The following DMD variants were observed in gnomAD, a reference collection of about 807,000 sequenced individuals.
The protein encoded by DMD is dystrophin, also known as mutant dystrophin.
Under a neutral mutation model 330.1 loss-of-function variants are expected in DMD, and 63 were observed. The observed-to-expected ratio is 0.19, with a 90% CI of 0.16 to 0.24. The LOEUF is 0.24. DMD is among the 10% of genes least tolerant of loss of function. The pLI is 1.00. For synonymous variants in DMD, 1,223 were observed against 959.8 expected, an observed-to-expected ratio of 1.27 and a Z score of -5.07; for missense variants, 3,344 against 2,684.1, an observed-to-expected ratio of 1.25 and a Z score of -5.43.
At chrX:32,363,501 G>A (rs2097844461) in intron 36 of DMD, among the ~76,000 whole-genome samples, 1 of 111,848 alleles carries the variant, frequency 8.9e-6, no homozygotes, top group African/African-American at 3.3e-5. Context: ...GAGGTACTGA[G>A]GAATGTTCTT....
intron 7 of DMD, among the ~76,000 whole-genome samples, chrX:32,727,433 GACTAGACCACCTTCTAAATTCATTT>G (rs1256222771): frequency 1.8e-5 from 2 of 111,006 alleles, no homozygotes; most frequent in Non-Finnish European, 3.8e-5. Flanking sequence ...TCAAGCAACT[GACTAGACCACCTTCTAAATTCATTT>G]ACTAGAGTCC....
At chrX:33,311,906 A>G (rs1283785780) in intron 1 of DMD, among the ~76,000 whole-genome samples, 5 of 111,355 alleles carry the variant, frequency 4.5e-5, no homozygotes, top group Non-Finnish European at 9.4e-5. Flanking sequence ...TGGGCAAGAA[A>G]AAGAATTTTC....
intron 1 of DMD, among the ~76,000 whole-genome samples, chrX:33,333,256 G>C (rs2054205418): frequency 9.0e-6 from 1 of 111,243 alleles, no homozygotes; most frequent in Admixed American, 9.6e-5. Flanking sequence ...TTGTATGTTG[G>C]TTCTTATTTC....
intron 63 of DMD, among the ~76,000 whole-genome samples, chrX:31,236,912 T>C (rs1185212911): frequency 8.9e-6 from 1 of 111,985 alleles, no homozygotes; most frequent in East Asian, 2.8e-4. Flanking sequence ...TTCTCTACCC[T>C]TTATCTAACA....
At chrX:31,295,346 T>C (rs938665882) in intron 62 of DMD, among the ~76,000 whole-genome samples, 3 of 111,189 alleles carry the variant, frequency 2.7e-5, no homozygotes, top group Non-Finnish European at 3.8e-5. Context: ...CATTTTTTTT[T>C]CATATAACAG....
chrX:32,998,245 C>CT (rs1165885763), intron 2 of DMD, among the ~76,000 whole-genome samples: 1 of 107,457 alleles, frequency 9.3e-6, no homozygotes, highest in Non-Finnish European at 1.9e-5. Flanking sequence ...TGGTGCATGC[C>CT]TGTAGCTAAG....
intron 44 of DMD, among the ~76,000 whole-genome samples, chrX:32,174,836 A>C (rs1446621089): frequency 1.8e-5 from 2 of 111,501 alleles, no homozygotes; most frequent in Non-Finnish European, 1.9e-5. Context: ...GCTTGGTTAC[A>C]TGAATAACTT....
At chrX:32,777,277 T>TGGGGGTGGGGGGGGGTTGGGG (rs1557019832) in intron 7 of DMD, among the ~76,000 whole-genome samples, 1 of 2,113 alleles carries the variant, frequency 4.7e-4, no homozygotes, top group Non-Finnish European at 7.0e-4. Context: ...GGTTTCTGGT[T>TGGGGGTGGGGGGGGGTTGGGG]GGGGGGGGAA....
rs1422020144 is a variant in DMD, at chrX:31,929,756, C to A, written c.6763-11G>T. Reference sequence around the variant, plus strand: ...CTCTTCCACCAGTAACTGAAACAGACAAATGCAACAACGTTTAAAATGAAT... The same window carrying A: ...CTCTTCCACCAGTAACTGAAACAGAAAAATGCAACAACGTTTAAAATGAAT... On this transcript the variant is annotated splice_polypyrimidine_tract_variant and intron_variant, in intron 46 of 78. Coordinates refer to ENST00000357033, the MANE Select transcript of DMD (RefSeq NM_004006.3). The A allele has an allele frequency of 2.5e-6, 3 of 1,207,349 alleles. No homozygotes were observed. Among genetic ancestry groups the A allele is most frequent in the Non-Finnish European group, 3.4e-6 (3 of 893,842 alleles).
intron 45 of DMD, among the ~76,000 whole-genome samples, chrX:31,964,885 T>C (rs2095338420): frequency 9.0e-6 from 1 of 111,423 alleles, no homozygotes. Context: ...TAATGCATAT[T>C]AGTAGAATAA....
chrX:31,164,346 A>G (rs1412404255), intron 74 of DMD, among the ~76,000 whole-genome samples: 1 of 110,782 alleles, frequency 9.0e-6, no homozygotes, highest in African/African-American at 3.3e-5. Flanking sequence ...CCTCAACTCG[A>G]CCTCTTCCAT....
chrX:32,360,656 G>A (rs1215324956), intron 37 of DMD, among the ~76,000 whole-genome samples: 2 of 108,297 alleles, frequency 1.8e-5, no homozygotes, highest in Admixed American at 1.0e-4. Flanking sequence ...GTGTCACGGC[G>A]CCCGCCCGTA....
intron 44 of DMD, among the ~76,000 whole-genome samples, chrX:32,054,806 C>G (rs2096153183): frequency 1.1e-5 from 1 of 88,487 alleles, no homozygotes; most frequent in Non-Finnish European, 2.1e-5. Context: ...TACCTTAACT[C>G]TTTCTCTAAT....
At chrX:32,394,927 A>AAACAAAAC (rs1557326888) in intron 30 of DMD, among the ~76,000 whole-genome samples, 1 of 90,774 alleles carries the variant, frequency 1.1e-5, no homozygotes, top group African/African-American at 3.8e-5. Flanking sequence ...AAAAAAAAAA[A>AAACAAAAC]AAAAAAGAAA....
Position 31,874,521 on chromosome X carries a change from C to T in DMD, c.7098+667G>A, listed in dbSNP as rs150097518. ...ATGAATCACAGTAACAAATATGATG[C>T]AGGCATTCTAGTAACATAAGTTTAA... is the stretch of plus-strand genomic sequence containing the variant. On this transcript the variant is annotated intron_variant, in intron 48 of 78. Coordinates refer to ENST00000357033, the MANE Select transcript of DMD (RefSeq NM_004006.3). Among the ~76,000 whole-genome samples, 4 of 111,474 alleles carry T rather than the reference C, an allele frequency of 3.6e-5. No homozygotes were observed. In the East Asian group the frequency reaches 1.1e-3, roughly 31 times the overall value.
In DMD at chrX:33,134,145, A is replaced by G. The variant is rs113369437; in HGVS notation, c.31+77137T>C. 1.5e-3 allele frequency among the ~76,000 whole-genome samples: 173 copies of G among 111,666 alleles called. 1 individual carries two copies. The highest frequency in any genetic ancestry group is 2.6e-3 in the Non-Finnish European group (138 of 53,150). ...ATGAACATCTGGAAGAACTTGAGCC[A>G]ACTTGGGAGCTATTATTTTACCCAG... On this transcript the variant is annotated intron_variant, in intron 1 of 78. Coordinates refer to ENST00000357033, the MANE Select transcript of DMD (RefSeq NM_004006.3).
In DMD at chrX:32,350,995, T is replaced by A. The variant is rs192129766; in HGVS notation, c.5326-2467A>T. 7.9e-3 allele frequency among the ~76,000 whole-genome samples: 875 copies of A among 111,012 alleles called. 10 individuals carry two copies. The highest frequency in any genetic ancestry group is 0.027 in the African/African-American group (829 of 30,676). Reference sequence around the variant, plus strand: ...TCTACCATTTACTAGCTGAGGGAACTTAGACAAGTTATTTATCCTCATTGA... The same window carrying A: ...TCTACCATTTACTAGCTGAGGGAACATAGACAAGTTATTTATCCTCATTGA... On this transcript the variant is annotated intron_variant, in intron 37 of 78. Transcript: ENST00000357033.
At chrX:32,585,696 T>C (rs1455597024) in intron 13 of DMD, among the ~76,000 whole-genome samples, 1 of 20,084 alleles carries the variant, frequency 5.0e-5, no homozygotes, top group Admixed American at 1.2e-3. Context: ...CAGGACTCCG[T>C]CTCAAAAAAA....
At chrX:31,473,656 C>T (rs1483933847) in intron 59 of DMD, among the ~76,000 whole-genome samples, 1 of 95,546 alleles carries the variant, frequency 1.0e-5, no homozygotes, top group Non-Finnish European at 2.0e-5. Context: ...GGAGGTTCAG[C>T]GAGCCGAGAT....
Sources: allele counts gnomAD v4.1 joint callset (sites outside exome capture counted in the v4.1 genomes callset), GRCh38; gene constraint gnomAD v4.1.1; transcripts MANE v1.5; gene names NCBI Gene and HGNC (gene_info 2026-07-23, HGNC 2026-07-21).